HDAC8: variants seen among roughly 807,000 people sequenced by gnomAD.
HDAC8 encodes the protein histone deacetylase 8.
A neutral mutation model predicts 32.2 loss-of-function variants in HDAC8; 1 was observed. The observed-to-expected ratio is 0.03, with a 90% CI of 0.01 to 0.15. The LOEUF (loss-of-function observed/expected upper bound fraction) is 0.15. HDAC8 is among the 10% of genes least tolerant of loss of function. The pLI, the probability that HDAC8 is intolerant of heterozygous loss-of-function variation, is 1.00. For synonymous variants in HDAC8, 108 were observed against 113.9 expected (o/e 0.95, Z 0.33); for missense variants, 117 against 300.0 (o/e 0.39, Z 4.51).
chrX:72,350,461 G>T (rs1402147280), intron 10 of HDAC8, among the ~76,000 whole-genome samples: 1 of 111,295 alleles, frequency 9.0e-6, no homozygotes, highest in Non-Finnish European at 1.9e-5. Flanking sequence ...CTCCAGCATA[G>T]AACAGGCCTC....
At chrX:72,547,487 G>T (rs1011234212) in intron 4 of HDAC8, among the ~76,000 whole-genome samples, 3 of 109,157 alleles carry the variant, frequency 2.7e-5, no homozygotes, top group African/African-American at 6.7e-5. Context: ...ACCACCACTT[G>T]ATATACTGGC....
At chrX:72,404,595 T>C (rs1171455670) in intron 9 of HDAC8, among the ~76,000 whole-genome samples, 2 of 111,338 alleles carry the variant, frequency 1.8e-5, no homozygotes, top group Non-Finnish European at 3.8e-5. Flanking sequence ...GTAAACTCTT[T>C]AAATATTTTT....
intron 9 of HDAC8, among the ~76,000 whole-genome samples, chrX:72,355,181 C>T (rs368252428): frequency 2.7e-5 from 3 of 111,821 alleles, no homozygotes; most frequent in Non-Finnish European, 3.8e-5. Context: ...TACTTACTGG[C>T]GAGGTGGAAA....
chrX:72,507,422 T>A (rs111666985), intron 4 of HDAC8, among the ~76,000 whole-genome samples: 1 of 111,751 alleles, frequency 8.9e-6, no homozygotes. Flanking sequence ...GAGCCCTGTG[T>A]ACCCTAGAAA....
chrX:72,341,738 C>T (rs895398701), intron 10 of HDAC8, among the ~76,000 whole-genome samples: 2 of 111,416 alleles, frequency 1.8e-5, no homozygotes, highest in African/African-American at 6.5e-5. Flanking sequence ...TGGCTTGGGA[C>T]TGCCGTCTCT....
At chrX:72,363,920 T>G (rs1374343653) in intron 9 of HDAC8, among the ~76,000 whole-genome samples, 1 of 111,987 alleles carries the variant, frequency 8.9e-6, no homozygotes, top group Non-Finnish European at 1.9e-5. Flanking sequence ...TTCAGCTTCT[T>G]GACAACTCGG....
At chrX:72,357,633 T>A (rs1207634380) in intron 9 of HDAC8, among the ~76,000 whole-genome samples, 1 of 110,807 alleles carries the variant, frequency 9.0e-6, no homozygotes, top group African/African-American at 3.3e-5. Context: ...AGAGGCCTAA[T>A]GGGAGTGAGG....
chrX:72,336,004 G>C, intron 10 of HDAC8, among the ~76,000 whole-genome samples: 1 of 111,103 alleles, frequency 9.0e-6, no homozygotes, highest in East Asian at 2.8e-4. Flanking sequence ...GCAGGTTTTC[G>C]TGTGGACATG....
chrX:72,572,010 G>A, intron 2 of HDAC8, 47 bp downstream of exon 2: 1 of 1,062,035 alleles, frequency 9.4e-7, no homozygotes, highest in Non-Finnish European at 1.3e-6. Context: ...GGATATTAAG[G>A]CTACGAACAC....
chrX:72,462,861 A>G (rs2047903391), intron 8 of HDAC8, among the ~76,000 whole-genome samples: 1 of 112,215 alleles, frequency 8.9e-6, no homozygotes, highest in Non-Finnish European at 1.9e-5. Flanking sequence ...CCTAATCTCA[A>G]CGCAGCCTAA....
chrX:72,330,572 A>T (rs2043489857), intron 10 of HDAC8, among the ~76,000 whole-genome samples: 1 of 111,633 alleles, frequency 9.0e-6, no homozygotes, highest in Non-Finnish European at 1.9e-5. Flanking sequence ...TTCTCTTGTG[A>T]GTACCTGTGA....
At chrX:72,491,893 T>C (rs781959036) in intron 5 of HDAC8, among the ~76,000 whole-genome samples, 1 of 111,874 alleles carries the variant, frequency 8.9e-6, no homozygotes, top group South Asian at 3.8e-4. Context: ...GGTACTGTCC[T>C]CTTTCTTACT....
chrX:72,407,324 C>T (rs1232679779), intron 9 of HDAC8, among the ~76,000 whole-genome samples: 2 of 112,061 alleles, frequency 1.8e-5, no homozygotes, highest in African/African-American at 6.5e-5. Flanking sequence ...CTGTTTGCAG[C>T]GGGGAGGAGC....
chrX:72,531,122 T>TA (rs1204480619), intron 4 of HDAC8, among the ~76,000 whole-genome samples: 1 of 111,962 alleles, frequency 8.9e-6, no homozygotes, highest in East Asian at 2.8e-4. Context: ...AAGGGTAGAT[T>TA]AAGGCCAGAC....
chrX:72,337,103 C>G (rs1253141524), intron 10 of HDAC8, among the ~76,000 whole-genome samples: 2 of 111,978 alleles, frequency 1.8e-5, no homozygotes, highest in African/African-American at 6.5e-5. Flanking sequence ...TTTAAGAGTT[C>G]TTTGTATATT....
At chrX:72,547,326 G>C (rs1368790399) in intron 4 of HDAC8, among the ~76,000 whole-genome samples, 1 of 108,721 alleles carries the variant, frequency 9.2e-6, no homozygotes, top group Non-Finnish European at 1.9e-5. Flanking sequence ...TATATGGCTA[G>C]ACTTGATTGT....
chrX:72,498,989 C>T (rs1251437297), intron 4 of HDAC8, among the ~76,000 whole-genome samples: 2 of 110,433 alleles, frequency 1.8e-5, no homozygotes, highest in Non-Finnish European at 3.8e-5. Flanking sequence ...GCTAGAGTTC[C>T]CCTGGGAGCT....
intron 9 of HDAC8, among the ~76,000 whole-genome samples, chrX:72,391,886 A>T (rs2045621924): frequency 9.0e-6 from 1 of 111,023 alleles, no homozygotes; most frequent in Non-Finnish European, 1.9e-5. Flanking sequence ...CTGTACCATA[A>T]TTTTTTCTTT....
chrX:72,403,741 C>T (rs781810786), intron 9 of HDAC8, among the ~76,000 whole-genome samples: 1 of 111,646 alleles, frequency 9.0e-6, no homozygotes, highest in Non-Finnish European at 1.9e-5. Flanking sequence ...GCAGGAGAAT[C>T]GCTTGAACTC....
Sources: allele counts gnomAD v4.1 joint callset (sites outside exome capture counted in the v4.1 genomes callset), GRCh38; gene constraint gnomAD v4.1.1; transcripts MANE v1.5; gene names NCBI Gene and HGNC (gene_info 2026-07-23, HGNC 2026-07-21).